Variants in AFAP1L2 observed in about 807,000 individuals in gnomAD.
The protein encoded by AFAP1L2 is actin filament-associated protein 1-like 2.
In AFAP1L2, 46 loss-of-function variants were observed where a neutral mutation model predicts 99.3. The observed-to-expected ratio is 0.46, with a 90% confidence interval of 0.37 to 0.59. AFAP1L2 has a LOEUF of 0.59. Among genes scored for constraint, AFAP1L2 ranks in the 20% least tolerant of loss-of-function variants. The pLI, the probability that AFAP1L2 is intolerant of heterozygous loss-of-function variation, is 0.00. For missense variants in AFAP1L2, 959 were observed against 1,034.9 expected (o/e 0.93, Z 1.01); for synonymous variants, 397 against 419.1 (o/e 0.95, Z 0.64).
At position 114,323,272 on chromosome 10, in the gene AFAP1L2, AACAAATAAG is replaced by A; in HGVS notation, c.316-20_316-12del. The A allele has an allele frequency of 6.3e-7, 1 of 1,582,042 alleles. No individual in the cohort carries two copies. Among genetic ancestry groups the A allele is most frequent in the Non-Finnish European group, 8.6e-7 (1 of 1,161,986 alleles). On this transcript the variant is annotated splice_polypyrimidine_tract_variant and intron_variant, in intron 4 of 18. Transcript: ENST00000304129. ...TTTCCGTTCTGGAATCTGTGGTATG[AACAAATAAG>A]ACAAACGTTTGCAGATATGGTACAC...
At chr10:114,356,621 C>T (rs1165293263) in intron 1 of AFAP1L2, among the ~76,000 whole-genome samples, 1 of 152,108 alleles carries the variant, frequency 6.6e-6, no homozygotes, top group Non-Finnish European at 1.5e-5. Flanking sequence ...AACATCAGAG[C>T]ATTTTTAAAA....
At position 114,359,017 on chromosome 10, in the gene AFAP1L2, A is replaced by G. The variant is rs189200368; in HGVS notation, c.17-18286T>C. 9.2e-5 allele frequency among the ~76,000 whole-genome samples: 14 copies of G among 152,326 alleles called. No individual in the cohort carries two copies. The East Asian group carries it at 1.7e-3, about 19-fold the overall frequency. ...TATACATACAGGAGAATTATGGTCC[A>G]TTTTGACCCTGGTTATTAGTACAAG... On this transcript the variant is annotated intron_variant, in intron 1 of 18. Coordinates refer to ENST00000304129, the MANE Select transcript of AFAP1L2 (RefSeq NM_001001936.3).
chr10:114,403,829 C>G (rs2058457570), intron 1 of AFAP1L2, among the ~76,000 whole-genome samples: 1 of 152,206 alleles, frequency 6.6e-6, no homozygotes, highest in Non-Finnish European at 1.5e-5. Context: ...GCCGGGCACT[C>G]CATTCGGCCC....
intron 1 of AFAP1L2, among the ~76,000 whole-genome samples, chr10:114,379,896 G>C (rs1307705071): frequency 6.6e-6 from 1 of 152,202 alleles, no homozygotes; most frequent in East Asian, 1.9e-4. Context: ...GGGTCTGCCT[G>C]GGAAGAGATG....
At chr10:114,371,450 G>A (rs1266436874) in intron 1 of AFAP1L2, among the ~76,000 whole-genome samples, 2 of 152,116 alleles carry the variant, frequency 1.3e-5, no homozygotes, top group African/African-American at 4.8e-5. Context: ...CCCCTCATCA[G>A]TCCCCCGCGA....
chr10:114,294,407 T>G (rs1234448640), downstream of AFAP1L2, among the ~76,000 whole-genome samples: 2 of 152,232 alleles, frequency 1.3e-5, no homozygotes, highest in Admixed American at 1.3e-4. Flanking sequence ...CTATTTCATA[T>G]TGCCTTAGGT....
chr10:114,348,330 C>A (rs574901057), intron 1 of AFAP1L2, among the ~76,000 whole-genome samples: 1 of 152,268 alleles, frequency 6.6e-6, no homozygotes, highest in South Asian at 2.1e-4. Flanking sequence ...AGGCACAGAA[C>A]CTTCCCACTA....
At chr10:114,308,401 A>G in intron 9 of AFAP1L2, 32 bp downstream of exon 9, 2 of 1,593,274 alleles carry the variant, frequency 1.3e-6, no homozygotes, top group Non-Finnish European at 1.7e-6. Flanking sequence ...ACAGCCTGGG[A>G]CACCATTCCC....
intron 1 of AFAP1L2, among the ~76,000 whole-genome samples, chr10:114,383,401 A>G (rs1190163097): frequency 6.6e-6 from 1 of 152,102 alleles, no homozygotes; most frequent in Non-Finnish European, 1.5e-5. Flanking sequence ...GGAGGAGAAA[A>G]GAGAGAGGAA....
intron 4 of AFAP1L2, chr10:114,325,734 C>T (rs2046165660): frequency 2.6e-6 from 2 of 765,406 alleles, no homozygotes; most frequent in Non-Finnish European, 3.6e-6. Context: ...TTGCCAGCCC[C>T]AGCCTGGTAC....
chr10:114,354,385 C>A (rs768771773), intron 1 of AFAP1L2, among the ~76,000 whole-genome samples: 5 of 152,158 alleles, frequency 3.3e-5, no homozygotes, highest in Non-Finnish European at 7.3e-5. Context: ...TTTATCTGAA[C>A]CATATCAACT....
chr10:114,404,598 G>A (rs1472063887), upstream of AFAP1L2: 1 of 1,266,664 alleles, frequency 7.9e-7, no homozygotes, highest in South Asian at 2.0e-5. Context: ...CCGCGCCCAG[G>A]GTCCTCGGAC....
intron 1 of AFAP1L2, among the ~76,000 whole-genome samples, chr10:114,342,048 G>A (rs940707364): frequency 2.6e-5 from 4 of 152,224 alleles, no homozygotes; most frequent in Middle Eastern, 3.2e-3. Flanking sequence ...AGGCTTGACC[G>A]CTAGACTTGG....
intron 7 of AFAP1L2, among the ~76,000 whole-genome samples, chr10:114,312,257 G>A (rs936659757): frequency 6.7e-6 from 1 of 149,526 alleles, no homozygotes; most frequent in South Asian, 2.1e-4. Context: ...GTGTGTGTGT[G>A]TGTGTGTGTG....
At chr10:114,326,126 G>T in intron 4 of AFAP1L2, 2 of 1,102,916 alleles carry the variant, frequency 1.8e-6, no homozygotes, top group Non-Finnish European at 2.4e-6. Context: ...CTGTCCCTGG[G>T]GGCCTCCTGT....
chr10:114,285,974 C>T, the AFAP1L2 span: 2 of 1,610,140 alleles, frequency 1.2e-6, no homozygotes, highest in Non-Finnish European at 1.7e-6. Flanking sequence ...GGTCGACCTC[C>T]TCTTCCTGCT....
chr10:114,361,056 A>C (rs2052330864), intron 1 of AFAP1L2, among the ~76,000 whole-genome samples: 1 of 152,168 alleles, frequency 6.6e-6, no homozygotes, highest in Admixed American at 6.5e-5. Context: ...AGTGTGTCTC[A>C]CATATCGGCA....
At chr10:114,313,737 A>T in intron 7 of AFAP1L2, 134 bp downstream of exon 7, 1 of 908,272 alleles carries the variant, frequency 1.1e-6, no homozygotes, top group Non-Finnish European at 1.6e-6. Context: ...GATCGTTACC[A>T]CTTAGAACAC....
intron 1 of AFAP1L2, among the ~76,000 whole-genome samples, chr10:114,386,933 T>C (rs2056575804): frequency 6.6e-6 from 1 of 152,224 alleles, no homozygotes; most frequent in East Asian, 1.9e-4. Flanking sequence ...CCTGCAGGAC[T>C]GGAATGAACT....
Sources: gnomAD v4.1 joint callset for allele counts (sites outside exome capture counted in the v4.1 genomes callset) on GRCh38, gnomAD v4.1.1 for gene constraint, MANE v1.5 for transcripts, NCBI Gene and HGNC (gene_info 2026-07-23, HGNC 2026-07-21) for gene names.